CEP120: variants seen among roughly 807,000 people sequenced by gnomAD.
The protein encoded by CEP120 is centrosomal protein 120.
A neutral mutation model predicts 126.5 loss-of-function variants in CEP120; 113 were observed. The ratio of observed to expected loss-of-function variants is 0.89; its 90% confidence interval spans 0.77 to 1.04. The LOEUF (loss-of-function observed/expected upper bound fraction) is 1.04. Among genes scored for constraint, CEP120 ranks in the 50% least tolerant of loss-of-function variants. The pLI is 0.00. For synonymous variants in CEP120, 400 were observed against 394.3 expected (o/e 1.01, Z -0.17); for missense variants, 1,230 against 1,155.7 (o/e 1.06, Z -0.93).
At chr5:123,402,801 A>C (rs990485272) in intron 4 of CEP120, among the ~76,000 whole-genome samples, 6 of 152,220 alleles carry the variant, frequency 3.9e-5, no homozygotes, top group African/African-American at 1.4e-4. Flanking sequence ...GTTGAAACTT[A>C]ATGGCCAATG....
At chr5:123,383,740 G>C (rs1179731301) in intron 11 of CEP120, among the ~76,000 whole-genome samples, 1 of 152,072 alleles carries the variant, frequency 6.6e-6, no homozygotes, top group South Asian at 2.1e-4. Flanking sequence ...GTTAGTATGA[G>C]CATAATGAGC....
At chr5:123,384,472 C>T (rs1580688588) in intron 11 of CEP120, among the ~76,000 whole-genome samples, 1 of 151,854 alleles carries the variant, frequency 6.6e-6, no homozygotes. Context: ...GGCAAAAAAC[C>T]AATAATTATT....
intron 3 of CEP120, among the ~76,000 whole-genome samples, chr5:123,413,756 A>G (rs1336578760): frequency 6.6e-6 from 1 of 152,242 alleles, no homozygotes. Context: ...ATAAAAATCA[A>G]CAACCTAATT....
At chr5:123,373,092 G>C (rs1248877593) in intron 16 of CEP120, among the ~76,000 whole-genome samples, 2 of 151,996 alleles carry the variant, frequency 1.3e-5, no homozygotes, top group Non-Finnish European at 2.9e-5. Flanking sequence ...CTTTTCTTAA[G>C]ATGTCGCATA....
chr5:123,395,782 C>G (rs187443419), intron 5 of CEP120, among the ~76,000 whole-genome samples: 4 of 151,206 alleles, frequency 2.6e-5, no homozygotes, highest in Non-Finnish European at 5.9e-5. Context: ...CCTGGGTTCA[C>G]GCCATTCTCC....
At chr5:123,362,921 A>C (rs894496342) in intron 18 of CEP120, among the ~76,000 whole-genome samples, 1 of 151,594 alleles carries the variant, frequency 6.6e-6, no homozygotes, top group African/African-American at 2.4e-5. Context: ...CCCACCCTCC[A>C]AACAGCTTTT....
intron 4 of CEP120, chr5:123,401,645 C>T (rs1773247581): frequency 9.1e-6 from 13 of 1,429,402 alleles, no homozygotes; most frequent in East Asian, 4.5e-5. Flanking sequence ...CTGCAGCTCC[C>T]GGATCTCCTC....
intron 9 of CEP120, 180 bp downstream of exon 9, chr5:123,388,252 T>C: frequency 2.6e-6 from 1 of 385,940 alleles, no homozygotes; most frequent in Non-Finnish European, 4.6e-6. Flanking sequence ...TTACCTCTCC[T>C]ACTACTATGC....
intron 14 of CEP120, among the ~76,000 whole-genome samples, chr5:123,380,625 C>A (rs111802594): frequency 6.6e-6 from 1 of 152,096 alleles, no homozygotes; most frequent in East Asian, 1.9e-4. Context: ...GAATTTGTCA[C>A]GGTTCTAGTA....
At chr5:123,420,943 TA>T (rs1321562658) in intron 1 of CEP120, among the ~76,000 whole-genome samples, 17 of 152,310 alleles carry the variant, frequency 1.1e-4, no homozygotes, top group Non-Finnish European at 2.5e-4. Context: ...ACAGCATGGT[TA>T]TGATGAATGG....
At chr5:123,401,811 T>C in intron 4 of CEP120, 5 of 1,377,308 alleles carry the variant, frequency 3.6e-6, no homozygotes, top group South Asian at 1.2e-5. Flanking sequence ...ATCCTCATAC[T>C]TGTTCTTGAA....
At chr5:123,389,838 C>T in intron 8 of CEP120, 86 bp downstream of exon 8, 1 of 1,206,694 alleles carries the variant, frequency 8.3e-7, no homozygotes, top group East Asian at 2.4e-5. Context: ...TTACTTATAA[C>T]TCATGAAAGT....
chr5:123,388,983 G>T (rs561898344), intron 8 of CEP120, among the ~76,000 whole-genome samples: 1 of 152,144 alleles, frequency 6.6e-6, no homozygotes, highest in Non-Finnish European at 1.5e-5. Context: ...CCTTTTTACA[G>T]TAATTTTGGT....
Position 123,386,806 on chromosome 5 carries a change from A to T in CEP120, c.1431-139T>A, listed in dbSNP as rs1772060630. 4.9e-6 allele frequency: 3 copies of T among 613,632 alleles called. No homozygotes were observed. The East Asian group carries it at 1.0e-4, about 21-fold the overall frequency. 38.0% of individuals were successfully genotyped at this position (613,632 alleles called of 1,614,324 possible). On this transcript the variant is annotated intron_variant, in intron 9 of 19. Coordinates refer to ENST00000306467, the MANE Select transcript of CEP120 (RefSeq NM_001375405.1). ...TTTTTAATAGAAACATGGTAGACATAGCAATCTGTCATCTGTGTAAGAAGT... is the reference window on the plus strand; with the variant it reads ...TTTTTAATAGAAACATGGTAGACATTGCAATCTGTCATCTGTGTAAGAAGT...
At chr5:123,419,567 C>T (rs958469489) in intron 1 of CEP120, among the ~76,000 whole-genome samples, 21 of 130,490 alleles carry the variant, frequency 1.6e-4, no homozygotes, top group African/African-American at 5.6e-4. Flanking sequence ...AAAAAAAAAA[C>T]AGAATACTTT....
chr5:123,397,899 C>T (rs1772898118), intron 5 of CEP120, among the ~76,000 whole-genome samples: 1 of 152,100 alleles, frequency 6.6e-6, no homozygotes, highest in Non-Finnish European at 1.5e-5. Flanking sequence ...GCCTGAGCAG[C>T]ATAGTGAAAC....
chr5:123,391,788 A>T (rs1446858190), intron 6 of CEP120, among the ~76,000 whole-genome samples: 1 of 152,142 alleles, frequency 6.6e-6, no homozygotes, highest in African/African-American at 2.4e-5. Flanking sequence ...AAAAACCTCA[A>T]ATAGTTTTGT....
intron 17 of CEP120, among the ~76,000 whole-genome samples, chr5:123,370,238 T>C (rs1770756798): frequency 6.6e-6 from 1 of 152,050 alleles, no homozygotes; most frequent in Non-Finnish European, 1.5e-5. Flanking sequence ...TAAAAGTTCC[T>C]AGAGGAATCT....
intron 18 of CEP120, among the ~76,000 whole-genome samples, chr5:123,356,280 A>G (rs1420649632): frequency 6.6e-6 from 1 of 152,034 alleles, no homozygotes; most frequent in African/African-American, 2.4e-5. Flanking sequence ...TTTTGGTTCC[A>G]TATGAACTTT....
Sources: gnomAD v4.1 joint callset for allele counts (sites outside exome capture counted in the v4.1 genomes callset) on GRCh38, gnomAD v4.1.1 for gene constraint, MANE v1.5 for transcripts, NCBI Gene and HGNC (gene_info 2026-07-23, HGNC 2026-07-21) for gene names.